CDH2: variants seen among roughly 807,000 people sequenced by gnomAD.
CDH2 encodes the protein cadherin 2.
CDH2 carries 17 observed loss-of-function variants against 92.0 expected under a neutral mutation model. The observed-to-expected ratio is 0.18, with a 90% confidence interval of 0.13 to 0.28. The LOEUF (loss-of-function observed/expected upper bound fraction) is 0.28, where lower values mean the gene tolerates loss of function less well. CDH2 is among the 10% of genes least tolerant of loss of function. CDH2 has a pLI of 1.00. For missense variants in CDH2, 862 were observed against 1,133.1 expected, an observed-to-expected ratio of 0.76 and a Z score of 3.44; for synonymous variants, 419 against 415.9, an observed-to-expected ratio of 1.01 and a Z score of -0.09.
intron 2 of CDH2, among the ~76,000 whole-genome samples, chr18:28,075,191 G>C (rs1567988248): frequency 6.6e-6 from 1 of 152,074 alleles, no homozygotes; most frequent in Non-Finnish European, 1.5e-5. Flanking sequence ...ACATTCTATG[G>C]GAAGAAAGCA....
intron 2 of CDH2, among the ~76,000 whole-genome samples, chr18:28,078,704 C>T (rs1025272603): frequency 1.8e-4 from 27 of 151,348 alleles, no homozygotes; most frequent in African/African-American, 6.6e-4. Flanking sequence ...ATGAAATACC[C>T]TTCTCTAGCT....
chr18:28,031,460 A>T (rs544222910), intron 2 of CDH2, among the ~76,000 whole-genome samples: 1 of 152,162 alleles, frequency 6.6e-6, no homozygotes, highest in Admixed American at 6.6e-5. Context: ...CCTTTGAAAA[A>T]CAAACTGGAT....
At chr18:28,053,769 T>C (rs1035644396) in intron 2 of CDH2, among the ~76,000 whole-genome samples, 2 of 152,268 alleles carry the variant, frequency 1.3e-5, no homozygotes, top group African/African-American at 4.8e-5. Context: ...ATTGGTCTTT[T>C]GTCTTTTAAG....
At chr18:27,979,990 G>A (rs2011990213) in intron 14 of CDH2, among the ~76,000 whole-genome samples, 1 of 152,148 alleles carries the variant, frequency 6.6e-6, no homozygotes, top group Non-Finnish European at 1.5e-5. Flanking sequence ...CCCAATCAAA[G>A]CTTTTTGAAA....
rs1272545722 is a variant in CDH2, at chr18:27,990,199, G to C, written c.1496C>G (p.Pro499Arg). 6.2e-7 allele frequency: 1 copy of C among 1,614,062 alleles called. No homozygotes were observed. The highest frequency in any genetic ancestry group is 8.5e-7 in the Non-Finnish European group (1 of 1,179,996). Residue 499 changes from proline (P) to arginine (R), a missense_variant, in exon 10 of 16, where the codon CCC becomes CGC. By Grantham distance (103) the Pro-to-Arg change is moderately radical. Around this residue, in one of 5 missense-constraint regions of CDH2, gnomAD observed 564 missense variants for 722.2 expected, o/e 0.78. Coordinates refer to ENST00000269141, the MANE Select transcript of CDH2 (RefSeq NM_001792.5). ...IDVNENPYFA[P>R]NPKIIRQEEG... The stretch of plus-strand genomic sequence containing the variant: ...TTCTTGGCGAATGATCTTAGGATTG[G>C]GGGCAAAATAAGGGTTTTCATTTAC...
intron 2 of CDH2, among the ~76,000 whole-genome samples, chr18:28,064,138 G>C (rs890688468): frequency 1.3e-5 from 2 of 151,594 alleles, no homozygotes; most frequent in Non-Finnish European, 2.9e-5. Flanking sequence ...CTCAAAAGAG[G>C]GGGGGGTAGG....
At chr18:28,010,695 A>G (rs2013072686) in intron 4 of CDH2, among the ~76,000 whole-genome samples, 1 of 150,938 alleles carries the variant, frequency 6.6e-6, no homozygotes, top group Non-Finnish European at 1.5e-5. Context: ...GGGGGGAAGG[A>G]GTCTCACTCT....
At chr18:28,004,713 G>A (rs960422686) in intron 6 of CDH2, among the ~76,000 whole-genome samples, 2 of 152,144 alleles carry the variant, frequency 1.3e-5, no homozygotes, top group African/African-American at 4.8e-5. Context: ...GTAAGGAAAT[G>A]CTGAATTTGC....
intron 2 of CDH2, among the ~76,000 whole-genome samples, chr18:28,047,794 G>A (rs976823930): frequency 1.3e-5 from 2 of 149,254 alleles, no homozygotes; most frequent in Admixed American, 6.7e-5. Context: ...GCGTGAACCC[G>A]GAAGGCGGAG....
At chr18:28,091,780 C>T (rs1270564843) in intron 2 of CDH2, among the ~76,000 whole-genome samples, 1 of 152,070 alleles carries the variant, frequency 6.6e-6, no homozygotes, top group South Asian at 2.1e-4. Flanking sequence ...ATTTGATTAA[C>T]TGAGCTATTT....
intron 2 of CDH2, among the ~76,000 whole-genome samples, chr18:28,101,393 A>T (rs2015223882): frequency 6.6e-6 from 1 of 152,060 alleles, no homozygotes; most frequent in Non-Finnish European, 1.5e-5. Flanking sequence ...AACACAACTT[A>T]ATTTTCATCT....
chr18:28,031,981 G>C (rs1171856510), intron 2 of CDH2, among the ~76,000 whole-genome samples: 1 of 152,044 alleles, frequency 6.6e-6, no homozygotes, highest in Non-Finnish European at 1.5e-5. Flanking sequence ...AACTGCCTAG[G>C]GGAGGGGTGT....
At chr18:27,996,136 T>C (rs17462892) in intron 7 of CDH2, among the ~76,000 whole-genome samples, 1 of 152,076 alleles carries the variant, frequency 6.6e-6, no homozygotes, top group South Asian at 2.1e-4. Flanking sequence ...TCTCCGAAAC[T>C]CGCCTATTTT....
In CDH2 at chr18:27,952,384, G is replaced by C. The variant is rs200023599; in HGVS notation, c.2515-25C>G. On this transcript the variant is annotated intron_variant, in intron 15 of 15. Transcript: ENST00000269141. ...CCTGCAATTTGGAAACACAAAGAAT[G>C]AAAGAATTAAGAGAGGGTTACACTT... 60 of 1,590,074 alleles carry C rather than the reference G, an allele frequency of 3.8e-5. No individual in the cohort carries two copies. In the South Asian group the frequency reaches 5.2e-4, roughly 14 times the overall value.
chr18:27,948,579 A>G (rs1909333523), downstream of CDH2, among the ~76,000 whole-genome samples: 1 of 151,948 alleles, frequency 6.6e-6, no homozygotes, highest in Non-Finnish European at 1.5e-5. Flanking sequence ...AAAAATGCAT[A>G]TAAGCTCTAA....
chr18:28,111,938 A>G (rs916053122), intron 2 of CDH2, among the ~76,000 whole-genome samples: 2 of 152,230 alleles, frequency 1.3e-5, no homozygotes, highest in African/African-American at 4.8e-5. Flanking sequence ...AAACTTTTAC[A>G]AGTATACCCT....
At chr18:28,024,535 T>A (rs1482574621) in intron 2 of CDH2, among the ~76,000 whole-genome samples, 1 of 150,970 alleles carries the variant, frequency 6.6e-6, no homozygotes, top group Non-Finnish European at 1.5e-5. Context: ...AATAAAAAGC[T>A]TCAAAATTAA....
chr18:27,939,227 A>C (rs1292555213), intron 6 of CDH2, among the ~76,000 whole-genome samples: 1 of 151,970 alleles, frequency 6.6e-6, no homozygotes, highest in Non-Finnish European at 1.5e-5. Flanking sequence ...TGAACTAATC[A>C]CTGTGGGTAA....
intron 1 of CDH2, among the ~76,000 whole-genome samples, chr18:28,161,853 T>C (rs2016311221): frequency 6.6e-6 from 1 of 152,024 alleles, no homozygotes; most frequent in African/African-American, 2.4e-5. Flanking sequence ...ATAAAACGAG[T>C]GGGCATACAG....
Sources: allele counts gnomAD v4.1 joint callset (sites outside exome capture counted in the v4.1 genomes callset), GRCh38; gene constraint gnomAD v4.1.1; regional missense constraint gnomAD v4.1.1; transcripts MANE v1.5; gene names NCBI Gene and HGNC (gene_info 2026-07-23, HGNC 2026-07-21).